The following MACROD2 variants were observed in gnomAD, a reference collection of about 807,000 sequenced individuals.
MACROD2 encodes the protein ADP-ribose glycohydrolase MACROD2.
Under a neutral mutation model 70.4 loss-of-function variants are expected in MACROD2, and 36 were observed. The ratio of observed to expected loss-of-function variants is 0.51; its 90% CI spans 0.39 to 0.68. The LOEUF (loss-of-function observed/expected upper bound fraction) is 0.68. MACROD2 is among the 30% of genes least tolerant of loss of function. MACROD2 has a pLI of 0.00. For synonymous variants in MACROD2, 172 were observed against 178.8 expected (o/e 0.96, Z 0.30); for missense variants, 496 against 538.4 (o/e 0.92, Z 0.78).
chr20:14,118,554 C>T (rs75440474), intron 3 of MACROD2, among the ~76,000 whole-genome samples: 2,280 of 152,256 alleles, frequency 0.015, 29 homozygotes, highest in Non-Finnish European at 0.023. Context: ...TATTTCAACA[C>T]GAATGGGGAT....
At chr20:14,942,731 G>A (rs2074400632) in intron 5 of MACROD2, among the ~76,000 whole-genome samples, 1 of 151,128 alleles carries the variant, frequency 6.6e-6, no homozygotes. Flanking sequence ...GCATGACTTC[G>A]GACTGAATGT....
At chr20:15,463,224 G>A (rs146029685) in intron 7 of MACROD2, among the ~76,000 whole-genome samples, 21 of 152,272 alleles carry the variant, frequency 1.4e-4, no homozygotes, top group African/African-American at 3.6e-4. Context: ...AGGAATGACC[G>A]CCTGAAGAGG....
intron 15 of MACROD2, among the ~76,000 whole-genome samples, chr20:16,019,475 C>T (rs555413510): frequency 6.6e-6 from 1 of 152,302 alleles, no homozygotes; most frequent in South Asian, 2.1e-4. Context: ...TGGCGCTTGC[C>T]ATCATGCACC....
chr20:14,316,690 G>A (rs1323975203), intron 3 of MACROD2, among the ~76,000 whole-genome samples: 2 of 152,194 alleles, frequency 1.3e-5, no homozygotes, highest in East Asian at 1.9e-4. Context: ...CCCTGATGAA[G>A]AAGTTAAGAG....
At chr20:15,943,630 A>G (rs1312436379) in intron 12 of MACROD2, among the ~76,000 whole-genome samples, 1 of 152,118 alleles carries the variant, frequency 6.6e-6, no homozygotes, top group African/African-American at 2.4e-5. Context: ...ATTTATAACA[A>G]TGTAGTCTTC....
At chr20:15,135,075 A>G (rs1209933113) in intron 5 of MACROD2, among the ~76,000 whole-genome samples, 1 of 151,942 alleles carries the variant, frequency 6.6e-6, no homozygotes, top group Non-Finnish European at 1.5e-5. Context: ...ATAATCAATA[A>G]CTTACCAACC....
At position 14,684,734 on chromosome 20, in the gene MACROD2, A is replaced by G. The variant is rs1421718905; in HGVS notation, c.302-109A>G. 10 of 813,726 alleles carry G rather than the reference A, an allele frequency of 1.2e-5. No homozygotes were observed. In the African/African-American group the frequency reaches 1.5e-4, roughly 13 times the overall value. The allele number at this position is 813,726 out of a possible 1,614,324, so 50.4% of individuals were successfully genotyped here. On this transcript the variant is annotated intron_variant, in intron 4 of 17. Transcript: ENST00000684519. ...CACCCTGGGTTTTCTTCCACGGGCT[A>G]TGGTTATTTACAGGAAGAACAAATT...
chr20:14,795,944 G>T (rs773948735), intron 5 of MACROD2, among the ~76,000 whole-genome samples: 43 of 152,046 alleles, frequency 2.8e-4, no homozygotes, highest in Non-Finnish European at 5.6e-4. Context: ...TTGCAGAGAA[G>T]TCCAAGTAGA....
intron 8 of MACROD2, among the ~76,000 whole-genome samples, chr20:15,708,429 A>G (rs2050570140): frequency 6.6e-6 from 1 of 152,138 alleles, no homozygotes; most frequent in Admixed American, 6.5e-5. Context: ...GGAATTAGCC[A>G]TGCAGGTAGG....
intron 6 of MACROD2, among the ~76,000 whole-genome samples, chr20:15,234,263 A>G (rs1042921568): frequency 2.0e-5 from 3 of 149,100 alleles, no homozygotes; most frequent in Non-Finnish European, 4.5e-5. Context: ...CGATCTCCTG[A>G]CCTCGTGATC....
At chr20:15,959,698 G>A (rs572507380) in intron 12 of MACROD2, among the ~76,000 whole-genome samples, 4 of 151,900 alleles carry the variant, frequency 2.6e-5, no homozygotes, top group South Asian at 4.2e-4. Flanking sequence ...CCTGGCTAAC[G>A]TTTTTTTATA....
At chr20:14,703,317 G>T (rs1337137951) in intron 5 of MACROD2, among the ~76,000 whole-genome samples, 2 of 151,962 alleles carry the variant, frequency 1.3e-5, no homozygotes, top group Admixed American at 6.6e-5. Flanking sequence ...GGGAAGGAGG[G>T]GTATGTCAGG....
intron 5 of MACROD2, among the ~76,000 whole-genome samples, chr20:15,088,397 T>TTATATATATATA (rs71190173): frequency 1.8e-5 from 2 of 111,138 alleles, no homozygotes; most frequent in South Asian, 3.8e-4. Flanking sequence ...ATACTATATT[T>TTATATATATATA]TATATATATA....
chr20:14,249,744 A>C (rs550198123), intron 3 of MACROD2, among the ~76,000 whole-genome samples: 1 of 152,092 alleles, frequency 6.6e-6, no homozygotes, highest in African/African-American at 2.4e-5. Context: ...CTTCAGAGTG[A>C]TTTTGAGCTA....
rs1290262816 is a variant in MACROD2, at chr20:16,052,804, TAAC to T, written c.*2931_*2933del. 1 of 152,604 alleles carries T rather than the reference TAAC, an allele frequency of 6.6e-6. No homozygotes were observed. Among genetic ancestry groups the T allele is most frequent in the Admixed American group, 6.5e-5 (1 of 15,280 alleles). The allele number at this position is 152,604 out of a possible 1,614,324, so 9.5% of individuals were successfully genotyped here. A position where few individuals can be genotyped will look rare whatever the true frequency, so the allele number is the denominator to read the frequency against. On this transcript the variant is annotated 3_prime_UTR_variant, in exon 18 of 18. Transcript: ENST00000684519. Reference sequence around the variant, plus strand: ...CGCATGTCGGCTTTGCTTTGAAAAATAACAAAGTTAGCAGAATATGTTCAATAT... The same window carrying T: ...CGCATGTCGGCTTTGCTTTGAAAAATAAAGTTAGCAGAATATGTTCAATAT...
intron 8 of MACROD2, among the ~76,000 whole-genome samples, chr20:15,740,541 G>A (rs951600257): frequency 1.1e-4 from 16 of 152,032 alleles, no homozygotes; most frequent in African/African-American, 3.6e-4. Context: ...AAGAGATAGG[G>A]CAACATTAAA....
chr20:15,325,700 G>T (rs376986509), intron 6 of MACROD2, among the ~76,000 whole-genome samples: 1 of 152,112 alleles, frequency 6.6e-6, no homozygotes, highest in Non-Finnish European at 1.5e-5. Context: ...TGTATCATTC[G>T]TGGCATGTCT....
intron 15 of MACROD2, among the ~76,000 whole-genome samples, chr20:15,993,162 A>AT (rs2066580787): frequency 6.6e-6 from 1 of 152,152 alleles, no homozygotes; most frequent in East Asian, 1.9e-4. Flanking sequence ...CAAGTAAAAT[A>AT]TTTTATTTAA....
chr20:14,089,836 A>G (rs559737328), intron 3 of MACROD2, among the ~76,000 whole-genome samples: 21 of 152,270 alleles, frequency 1.4e-4, no homozygotes, highest in South Asian at 4.2e-4. Context: ...ACTTCTCCCA[A>G]TGGTGGCTTT....
Sources: allele counts gnomAD v4.1 joint callset (sites outside exome capture counted in the v4.1 genomes callset), GRCh38; gene constraint gnomAD v4.1.1; transcripts MANE v1.5; gene names NCBI Gene and HGNC (gene_info 2026-07-23, HGNC 2026-07-21).